ITPR2: variants seen among roughly 807,000 people sequenced by gnomAD.
The protein encoded by ITPR2 is inositol 1,4,5-trisphosphate receptor type 2.
A neutral mutation model predicts 317.1 loss-of-function variants in ITPR2; 207 were observed. The observed-to-expected ratio is 0.65, with a 90% CI of 0.58 to 0.73. ITPR2 has a LOEUF of 0.73. ITPR2 is among the 30% of genes least tolerant of loss of function. The pLI, the probability that ITPR2 is intolerant of heterozygous loss-of-function variation, is 0.00. For synonymous variants in ITPR2, 1,156 were observed against 1,149.1 expected (o/e 1.01, Z -0.12); for missense variants, 2,613 against 3,284.0 (o/e 0.80, Z 4.99).
intron 1 of ITPR2, among the ~76,000 whole-genome samples, chr12:26,822,796 TGC>T (rs1014874318): frequency 1.3e-5 from 2 of 152,234 alleles, no homozygotes; most frequent in African/African-American, 4.8e-5. Context: ...AAGGATGGAA[TGC>T]CATCTTATTC....
chr12:26,451,744 G>T (rs879284021), intron 45 of ITPR2, among the ~76,000 whole-genome samples: 7 of 152,018 alleles, frequency 4.6e-5, no homozygotes, highest in Admixed American at 4.6e-4. Flanking sequence ...ATTGATAAAA[G>T]ACCCTACTGA....
At chr12:26,605,114 AT>A (rs1447330699) in intron 26 of ITPR2, among the ~76,000 whole-genome samples, 16 of 83,522 alleles carry the variant, frequency 1.9e-4, no homozygotes, top group South Asian at 6.8e-4. Context: ...AAAATAAAAA[AT>A]AAAAAATAAA....
At chr12:26,696,649 G>A (rs1198714198) in intron 9 of ITPR2, among the ~76,000 whole-genome samples, 1 of 152,146 alleles carries the variant, frequency 6.6e-6, no homozygotes, top group East Asian at 1.9e-4. Flanking sequence ...ATGAACTGAT[G>A]CTAATTATAA....
At chr12:26,434,268 A>G (rs1376146046) in intron 48 of ITPR2, among the ~76,000 whole-genome samples, 2 of 152,202 alleles carry the variant, frequency 1.3e-5, no homozygotes, top group Non-Finnish European at 2.9e-5. Flanking sequence ...TTCTTCCTCC[A>G]TAAGAATACA....
chr12:26,725,925 C>T, intron 2 of ITPR2, 160 bp from the exon 3 acceptor site: 1 of 527,454 alleles, frequency 1.9e-6, no homozygotes, highest in East Asian at 3.1e-5. Context: ...CACTCTATAA[C>T]ATCCTTTTCA....
chr12:26,503,220 C>CACACACACAG (rs1555143322), intron 37 of ITPR2, among the ~76,000 whole-genome samples: 1 of 151,544 alleles, frequency 6.6e-6, no homozygotes, highest in Non-Finnish European at 1.5e-5. Context: ...CACACACACA[C>CACACACACAG]GGATTAAGTG....
At chr12:26,723,556 T>A (rs527659104) in intron 4 of ITPR2, among the ~76,000 whole-genome samples, 1 of 152,286 alleles carries the variant, frequency 6.6e-6, no homozygotes, top group African/African-American at 2.4e-5. Context: ...CCCACTCAGG[T>A]TGCAGGTTTC....
intron 55 of ITPR2, among the ~76,000 whole-genome samples, chr12:26,384,494 AT>A (rs1939609366): frequency 6.6e-6 from 1 of 152,168 alleles, no homozygotes; most frequent in South Asian, 2.1e-4. Flanking sequence ...GGGAGTTCTT[AT>A]CCCTCTTGTC....
At chr12:26,587,593 GGGGAAGAA>G (rs1945565691) in intron 32 of ITPR2, among the ~76,000 whole-genome samples, 1 of 152,150 alleles carries the variant, frequency 6.6e-6, no homozygotes, top group South Asian at 2.1e-4. Context: ...AAGAGGACAA[GGGGAAGAA>G]GGGTGGTCAT....
intron 18 of ITPR2, among the ~76,000 whole-genome samples, chr12:26,657,078 G>A (rs539673098): frequency 2.0e-5 from 3 of 152,320 alleles, no homozygotes; most frequent in Admixed American, 6.5e-5. Flanking sequence ...AGCACAAAGC[G>A]TCATCTGTCT....
At chr12:26,625,423 C>A (rs540907964) in intron 23 of ITPR2, among the ~76,000 whole-genome samples, 1 of 151,966 alleles carries the variant, frequency 6.6e-6, no homozygotes, top group South Asian at 2.1e-4. Context: ...ATACCTGCAT[C>A]AAAATACTCC....
At chr12:26,444,560 A>G (rs1941563689) in intron 45 of ITPR2, among the ~76,000 whole-genome samples, 1 of 152,154 alleles carries the variant, frequency 6.6e-6, no homozygotes, top group Non-Finnish European at 1.5e-5. Context: ...ATCCAGTGGT[A>G]AGCACTCTTA....
At chr12:26,764,687 T>C (rs931330717) in intron 2 of ITPR2, among the ~76,000 whole-genome samples, 4 of 149,348 alleles carry the variant, frequency 2.7e-5, no homozygotes, top group Non-Finnish European at 4.5e-5. Flanking sequence ...CTAATGTGGA[T>C]TTCTAAATAA....
chr12:26,485,984 T>A, intron 41 of ITPR2, 120 bp downstream of exon 41: 2 of 1,084,744 alleles, frequency 1.8e-6, no homozygotes, highest in Non-Finnish European at 2.7e-6. Context: ...AGGAGCACTA[T>A]TGCTTTTATT....
intron 26 of ITPR2, among the ~76,000 whole-genome samples, chr12:26,605,512 G>A (rs1389981662): frequency 3.3e-5 from 5 of 152,066 alleles, no homozygotes; most frequent in African/African-American, 1.2e-4. Flanking sequence ...TTAGAAAAGA[G>A]ATATTTTTTA....
At chr12:26,654,155 GGAGGGT>G in intron 20 of ITPR2, 29 bp from the exon 21 acceptor site, 2 of 1,520,804 alleles carry the variant, frequency 1.3e-6, no homozygotes, top group Non-Finnish European at 1.7e-6. Context: ...GCGGGGAGGG[GGAGGGT>G]GAAAGAGTGG....
chr12:26,340,113 G>T, intron 56 of ITPR2, 54 bp downstream of exon 56: 1 of 1,487,012 alleles, frequency 6.7e-7, no homozygotes, highest in African/African-American at 1.4e-5. Flanking sequence ...TCCCCTCACC[G>T]GAAGTGGTGA....
At chr12:26,456,815 GGCA>G (rs1941898348) in intron 45 of ITPR2, among the ~76,000 whole-genome samples, 1 of 152,148 alleles carries the variant, frequency 6.6e-6, no homozygotes, top group Admixed American at 6.5e-5. Flanking sequence ...TGGGATTACA[GGCA>G]CTTGCCATCA....
At chr12:26,641,669 A>G (rs973359658) in intron 21 of ITPR2, among the ~76,000 whole-genome samples, 6 of 152,226 alleles carry the variant, frequency 3.9e-5, no homozygotes, top group Non-Finnish European at 8.8e-5. Context: ...GGTATTCTAT[A>G]TAAGTAATAG....
Sources: allele counts gnomAD v4.1 joint callset (sites outside exome capture counted in the v4.1 genomes callset), GRCh38; gene constraint gnomAD v4.1.1; transcripts MANE v1.5; gene names NCBI Gene and HGNC (gene_info 2026-07-23, HGNC 2026-07-21).